The following USP26 variants were observed in gnomAD, a reference collection of about 807,000 sequenced individuals.
The protein encoded by USP26 is ubiquitin carboxyl-terminal hydrolase 26.
For missense variants in USP26, 649 were observed against 642.3 expected (o/e 1.01, Z -0.11); for synonymous variants, 236 against 240.6 (o/e 0.98, Z 0.18).
chrX:133,050,405 A>G (rs1430918990), intron 5 of USP26, among the ~76,000 whole-genome samples: 1 of 111,998 alleles, frequency 8.9e-6, no homozygotes. Flanking sequence ...ATGAAAACAT[A>G]GAATTAAGGC....
At chrX:133,076,583 G>A (rs1055589982) in intron 5 of USP26, among the ~76,000 whole-genome samples, 1 of 112,008 alleles carries the variant, frequency 8.9e-6, no homozygotes, top group African/African-American at 3.2e-5. Context: ...ACAGGATGTT[G>A]CTTCCAAGAT....
rs145413918 is a variant in USP26, at chrX:133,062,439, C to T, written c.-77+21268G>A. Among the ~76,000 whole-genome samples the T allele has an allele frequency of 1.6e-4, 18 of 112,118 alleles. No homozygotes were observed. The East Asian group carries it at 5.1e-3, about 32-fold the overall frequency. On this transcript the variant is annotated intron_variant, in intron 5 of 5. Coordinates refer to ENST00000511190, the MANE Select transcript of USP26 (RefSeq NM_031907.3). The stretch of plus-strand genomic sequence containing the variant: ...GAACAGACTGTCTCCTCAAGTAGGT[C>T]CCTGACCCCTGTGCCTCCTGACTGG...
chrX:133,044,532 C>T lies in USP26; in HGVS notation c.-76-16236G>A, dbSNP rs185322033. 1.6e-3 allele frequency among the ~76,000 whole-genome samples: 179 copies of T among 113,462 alleles called. 2 individuals carry two copies. Among genetic ancestry groups the T allele is most frequent in the Admixed American group, 4.1e-3 (45 of 10,927 alleles). ...GGCTTAGCACCTGGACCAGCAGCTG[C>T]GGAGGGTGCGCCAGGTCCCCCAGCA... is the stretch of plus-strand genomic sequence containing the variant. On this transcript the variant is annotated intron_variant, in intron 5 of 5. Coordinates refer to ENST00000511190, the MANE Select transcript of USP26 (RefSeq NM_031907.3).
chrX:133,056,573 T>C (rs2067476344), intron 5 of USP26, among the ~76,000 whole-genome samples: 1 of 111,572 alleles, frequency 9.0e-6, no homozygotes. Flanking sequence ...AAGGTATACC[T>C]CAGGTGAGTC....
intron 5 of USP26, among the ~76,000 whole-genome samples, chrX:133,058,400 TGGAGG>T (rs1248623485): frequency 8.9e-6 from 1 of 111,849 alleles, no homozygotes; most frequent in Admixed American, 9.5e-5. Context: ...GTATAAATAG[TGGAGG>T]TCTATTCTTC....
intron 5 of USP26, among the ~76,000 whole-genome samples, chrX:133,061,763 T>C (rs1430753108): frequency 9.0e-6 from 1 of 111,531 alleles, no homozygotes; most frequent in Non-Finnish European, 1.9e-5. Context: ...GCCTAGACAC[T>C]ACACTTTTCC....
intron 5 of USP26, among the ~76,000 whole-genome samples, chrX:133,045,288 G>A (rs918030622): frequency 2.7e-5 from 3 of 112,037 alleles, no homozygotes; most frequent in African/African-American, 9.8e-5. Context: ...CTCAGGGATT[G>A]TAAACGCACC....
At chrX:133,058,026 C>T (rs1443443673) in intron 5 of USP26, among the ~76,000 whole-genome samples, 7 of 100,082 alleles carry the variant, frequency 7.0e-5, no homozygotes, top group South Asian at 1.0e-3. Flanking sequence ...TACAGGTGCC[C>T]GCCACCATGC....
intron 5 of USP26, among the ~76,000 whole-genome samples, chrX:133,078,368 A>T (rs977319681): frequency 8.9e-6 from 1 of 111,742 alleles, no homozygotes; most frequent in East Asian, 2.8e-4. Flanking sequence ...GTTTTTAAGG[A>T]TTAACCTTAA....
intron 4 of USP26, among the ~76,000 whole-genome samples, chrX:133,085,911 C>T (rs141132367): frequency 0.03 from 3,333 of 110,970 alleles, 76 homozygotes; most frequent in East Asian, 0.1. Flanking sequence ...CAGGTACTCA[C>T]TTCCTCCCAC....
rs767554463 is a variant in USP26 at position 133,025,650 on chromosome X, G to A, written c.2571C>T (p.Tyr857=). The stretch of plus-strand genomic sequence containing the variant: ...GGATACCTAACACCCGCATATCATC[G>A]TAAGTGAACCAGATCTGTTTCTCAA... ...YDFEKQIWFT[Y]DDMRVLGIQE... The change falls in exon 6 of 6, where the codon TAC becomes TAT. Residue 857 remains tyrosine (Y), a synonymous_variant. Transcript: ENST00000511190. 9.9e-6 allele frequency: 12 copies of A among 1,209,319 alleles called. No individual in the cohort carries two copies. The highest frequency in any genetic ancestry group is 1.2e-5 in the Non-Finnish European group (11 of 895,013).
chrX:133,090,677 T>C (rs1025723158), intron 3 of USP26, 41 bp downstream of exon 3: 4 of 112,303 alleles, frequency 3.6e-5, no homozygotes, highest in African/African-American at 1.3e-4. Context: ...ACATATCAGA[T>C]AGCAATCTAG....
chrX:133,023,525 C>G lies in USP26; in HGVS notation c.*1954G>C, dbSNP rs1261971346. Among the ~76,000 whole-genome samples the G allele has an allele frequency of 2.7e-5, 3 of 111,617 alleles. No individual in the cohort carries two copies. The highest frequency in any genetic ancestry group is 5.6e-5 in the Non-Finnish European group (3 of 53,115). ...GGCCAAAAAACTGAAATTTAGAAAC[C>G]AAACTGTCACTCTCCTCTAAATGCA... On this transcript the variant is annotated 3_prime_UTR_variant, in exon 6 of 6. Transcript: ENST00000511190.
chrX:133,070,209 T>C (rs1034855996), intron 5 of USP26, among the ~76,000 whole-genome samples: 1 of 111,942 alleles, frequency 8.9e-6, no homozygotes, highest in Non-Finnish European at 1.9e-5. Context: ...TAGAGAAACA[T>C]TGGAGAGAAG....
At position 133,025,331 on chromosome X, in the gene USP26, T is replaced by C; in HGVS notation, c.*148A>G. On this transcript the variant is annotated 3_prime_UTR_variant, in exon 6 of 6. Coordinates refer to ENST00000511190, the MANE Select transcript of USP26 (RefSeq NM_031907.3). The stretch of plus-strand genomic sequence containing the variant: ...GTCTGTGTCAGGATTAGAATGCAGA[T>C]CTCCCCATTAAGTGTTTCTGTTTGA... 4 of 897,339 alleles carry C rather than the reference T, an allele frequency of 4.5e-6. No individual in the cohort carries two copies. The highest frequency in any genetic ancestry group is 6.1e-6 in the Non-Finnish European group (4 of 650,826). 74.0% of individuals were successfully genotyped at this position (897,339 alleles called of 1,213,427 possible).
chrX:133,046,688 A>G (rs942926928), intron 5 of USP26, among the ~76,000 whole-genome samples: 2 of 111,623 alleles, frequency 1.8e-5, no homozygotes, highest in African/African-American at 6.5e-5. Context: ...AAGAAAATCA[A>G]TGCTTGCACA....
At chrX:133,059,383 A>C (rs1430595761) in intron 5 of USP26, among the ~76,000 whole-genome samples, 1 of 110,994 alleles carries the variant, frequency 9.0e-6, no homozygotes, top group Non-Finnish European at 1.9e-5. Context: ...CAATAACCCA[A>C]CCTCTTTAAG....
intron 5 of USP26, among the ~76,000 whole-genome samples, chrX:133,062,744 C>T (rs1015587304): frequency 1.8e-5 from 2 of 110,146 alleles, no homozygotes; most frequent in African/African-American, 3.3e-5. Flanking sequence ...GCCACAAAAC[C>T]CCTTCCAAAG....
At chrX:133,081,933 G>C (rs1482180809) in intron 5 of USP26, among the ~76,000 whole-genome samples, 1 of 111,984 alleles carries the variant, frequency 8.9e-6, no homozygotes, top group Non-Finnish European at 1.9e-5. Flanking sequence ...GAAAGCCAGA[G>C]GGAGGAGTAG....
Sources: gnomAD v4.1 joint callset for allele counts (sites outside exome capture counted in the v4.1 genomes callset) on GRCh38, gnomAD v4.1.1 for gene constraint, MANE v1.5 for transcripts, NCBI Gene and HGNC (gene_info 2026-07-23, HGNC 2026-07-21) for gene names.